OXR1: variants seen among roughly 807,000 people sequenced by gnomAD.
The protein encoded by OXR1 is oxidation resistance 1.
In OXR1, 41 loss-of-function variants were observed where a neutral mutation model predicts 104.6. The observed-to-expected ratio is 0.39, with a 90% CI of 0.31 to 0.51. The LOEUF (loss-of-function observed/expected upper bound fraction) is 0.51. Ranked by LOEUF, OXR1 falls within the 20% of genes least tolerant of loss-of-function variation. The probability of loss-of-function intolerance (pLI) is 0.77; values close to 1 mark genes in which losing one functional copy is unlikely to be tolerated. For synonymous variants in OXR1, 348 were observed against 348.4 expected (o/e 1.00, Z 0.01); for missense variants, 955 against 1,031.9 (o/e 0.93, Z 1.02).
intron 1 of OXR1, among the ~76,000 whole-genome samples, chr8:106,287,482 A>G (rs1390460840): frequency 2.0e-5 from 3 of 152,214 alleles, no homozygotes; most frequent in Non-Finnish European, 4.4e-5. Context: ...CTCCAAGTAC[A>G]TTATGAAACA....
chr8:106,668,598 CAT>C (rs532739494), intron 3 of OXR1, among the ~76,000 whole-genome samples: 35 of 152,206 alleles, frequency 2.3e-4, no homozygotes, highest in South Asian at 2.3e-3. Flanking sequence ...ACCTGGAAGA[CAT>C]ATATGGTTCA....
At chr8:106,421,412 T>C (rs894817718) in intron 2 of OXR1, among the ~76,000 whole-genome samples, 13 of 152,212 alleles carry the variant, frequency 8.5e-5, no homozygotes, top group African/African-American at 2.9e-4. Context: ...TTTATAATTC[T>C]TCACATGTCT....
intron 2 of OXR1, among the ~76,000 whole-genome samples, chr8:106,518,508 A>G (rs1229872084): frequency 6.6e-6 from 1 of 152,228 alleles, no homozygotes; most frequent in Non-Finnish European, 1.5e-5. Flanking sequence ...AAGATGCTGT[A>G]TAGATTAAGC....
At chr8:106,502,940 A>G (rs1291564159) in intron 2 of OXR1, among the ~76,000 whole-genome samples, 2 of 152,176 alleles carry the variant, frequency 1.3e-5, no homozygotes, top group Non-Finnish European at 2.9e-5. Flanking sequence ...AACTTCTGGC[A>G]AGGCAAAATT....
intron 3 of OXR1, among the ~76,000 whole-genome samples, chr8:106,550,532 C>G (rs569529523): frequency 1.3e-5 from 2 of 152,234 alleles, no homozygotes; most frequent in South Asian, 2.1e-4. Flanking sequence ...TTGTCATAAT[C>G]CCCACACGTT....
chr8:106,294,674 A>C (rs1217526591), intron 1 of OXR1, among the ~76,000 whole-genome samples: 2 of 152,122 alleles, frequency 1.3e-5, no homozygotes, highest in African/African-American at 4.8e-5. Context: ...GGAACTCACT[A>C]TCACAAAGAC....
intron 3 of OXR1, among the ~76,000 whole-genome samples, chr8:106,552,942 A>AGTAAC (rs1815963003): frequency 6.6e-6 from 1 of 152,184 alleles, no homozygotes; most frequent in African/African-American, 2.4e-5. Flanking sequence ...AAATAATATC[A>AGTAAC]TCCTGGATAA....
At chr8:106,653,296 C>T (rs969984702) in intron 3 of OXR1, among the ~76,000 whole-genome samples, 5 of 151,450 alleles carry the variant, frequency 3.3e-5, no homozygotes, top group Non-Finnish European at 5.9e-5. Context: ...CAAAGCCAGA[C>T]GAGGATATCA....
intron 2 of OXR1, among the ~76,000 whole-genome samples, chr8:106,373,484 C>T (rs1161078423): frequency 6.6e-6 from 1 of 152,184 alleles, no homozygotes; most frequent in Non-Finnish European, 1.5e-5. Flanking sequence ...AATTACTAGG[C>T]ATCCTTCTTG....
At chr8:106,549,243 C>CG (rs746990373) in intron 3 of OXR1, among the ~76,000 whole-genome samples, 2,695 of 128,646 alleles carry the variant, frequency 0.021, 65 homozygotes, top group African/African-American at 0.053. Context: ...ACATATCAAA[C>CG]ATTTTTTTTT....
At chr8:106,538,650 ATAAT>A (rs1293289211) in intron 3 of OXR1, among the ~76,000 whole-genome samples, 5 of 152,220 alleles carry the variant, frequency 3.3e-5, no homozygotes, top group Non-Finnish European at 7.3e-5. Flanking sequence ...AACCTTTGTA[ATAAT>A]TAAATATCTG....
intron 1 of OXR1, among the ~76,000 whole-genome samples, chr8:106,287,045 T>C (rs1294012413): frequency 1.3e-5 from 2 of 152,184 alleles, no homozygotes; most frequent in African/African-American, 4.8e-5. Flanking sequence ...ATCAGTTTCT[T>C]ACAGACATTT....
At chr8:106,564,400 C>A (rs999115942) in intron 3 of OXR1, among the ~76,000 whole-genome samples, 1 of 151,986 alleles carries the variant, frequency 6.6e-6, no homozygotes, top group African/African-American at 2.4e-5. Context: ...TTGATAAATT[C>A]CTGGACACAT....
intron 1 of OXR1, among the ~76,000 whole-genome samples, chr8:106,287,150 G>A (rs867407346): frequency 6.6e-6 from 1 of 152,102 alleles, no homozygotes; most frequent in Non-Finnish European, 1.5e-5. Flanking sequence ...CAGAAAAACA[G>A]AGGAACTAAA....
chr8:106,351,579 A>T (rs1284170953), intron 1 of OXR1, among the ~76,000 whole-genome samples: 1 of 152,166 alleles, frequency 6.6e-6, no homozygotes, highest in Non-Finnish European at 1.5e-5. Context: ...GCTGAAATAT[A>T]GTGTGTATTG....
intron 6 of OXR1, among the ~76,000 whole-genome samples, chr8:106,690,060 AATATT>A (rs1829125028): frequency 1.3e-5 from 2 of 150,962 alleles, no homozygotes; most frequent in Admixed American, 6.6e-5. Context: ...TATCATATAC[AATATT>A]ATATGTTATA....
intron 3 of OXR1, among the ~76,000 whole-genome samples, chr8:106,653,945 G>A (rs1269144110): frequency 1.3e-5 from 2 of 151,742 alleles, no homozygotes; most frequent in Non-Finnish European, 2.9e-5. Context: ...TACTAGCAAT[G>A]GCAATCTAAA....
intron 3 of OXR1, among the ~76,000 whole-genome samples, chr8:106,598,480 A>G (rs1005502635): frequency 2.0e-5 from 3 of 152,102 alleles, no homozygotes; most frequent in South Asian, 2.1e-4. Context: ...ATGTCTGGCA[A>G]TTTCACAGTT....
intron 1 of OXR1, among the ~76,000 whole-genome samples, chr8:106,328,056 T>C (rs909679072): frequency 2.0e-5 from 3 of 152,094 alleles, no homozygotes; most frequent in Non-Finnish European, 2.9e-5. Flanking sequence ...GGATGCTGAC[T>C]GTCTGTGCAT....
Sources: gnomAD v4.1 joint callset for allele counts (sites outside exome capture counted in the v4.1 genomes callset) on GRCh38, gnomAD v4.1.1 for gene constraint, MANE v1.5 for transcripts, NCBI Gene and HGNC (gene_info 2026-07-23, HGNC 2026-07-21) for gene names.